Variants in ZZEF1 observed in about 807,000 individuals in gnomAD.
ZZEF1 encodes zinc finger ZZ-type and EF-hand domain containing 1.
Under a neutral mutation model 342.8 loss-of-function variants are expected in ZZEF1, and 157 were observed. That is an observed-to-expected ratio of 0.46 (90% CI 0.40 to 0.52). The LOEUF (loss-of-function observed/expected upper bound fraction) is 0.52. ZZEF1 is among the 20% of genes least tolerant of loss of function. The pLI, the probability that ZZEF1 is intolerant of heterozygous loss-of-function variation, is 0.00. For missense variants in ZZEF1, 3,480 were observed against 3,725.6 expected (o/e 0.93, Z 1.72); for synonymous variants, 1,505 against 1,429.1 (o/e 1.05, Z -1.20).
chr17:4,064,515 G>C lies in ZZEF1; in HGVS notation c.4564C>G (p.Pro1522Ala). The change falls in exon 29 of 55, where the codon CCC (proline) becomes GCC (alanine). Residue 1522 changes from proline to alanine, a missense_variant. Pro to Ala is a conservative substitution (Grantham distance 27). This residue lies in a region of ZZEF1 where 1,528 missense variants were observed against 1,624.1 expected (regional missense o/e 0.94). Transcript: ENST00000381638. ...CGGGTGAAGGGAGGCCGGCGGGTGG[G>C]TGTGGAAGGTGACAAGGGCTCTTCA... ...TAEEPLSPST[P>A]TRRPPFTRGR... The C allele has an allele frequency of 6.2e-7, 1 of 1,614,234 alleles. No homozygotes were observed. The highest frequency in any genetic ancestry group is 8.5e-7 in the Non-Finnish European group (1 of 1,180,044).
At chr17:4,097,640 G>C (rs2058060358) in intron 9 of ZZEF1, among the ~76,000 whole-genome samples, 1 of 152,012 alleles carries the variant, frequency 6.6e-6, no homozygotes, top group Admixed American at 6.6e-5. Flanking sequence ...TAAACACTGT[G>C]TTCTGTGGAA....
chr17:4,033,704 C>T (rs767432799), intron 40 of ZZEF1: 6 of 330,982 alleles, frequency 1.8e-5, no homozygotes, highest in East Asian at 1.2e-4. Context: ...ACTTTTACAA[C>T]GAAAACAGAT....
chr17:4,051,188 G>A, intron 35 of ZZEF1, 145 bp from the exon 36 acceptor site: 1 of 1,042,540 alleles, frequency 9.6e-7, no homozygotes, highest in Non-Finnish European at 1.4e-6. Context: ...TGTAAAGAAA[G>A]GTGTGGGCCC....
At chr17:4,142,408 A>C (rs1490915754) in intron 1 of ZZEF1, 134 bp downstream of exon 1, 1 of 938,476 alleles carries the variant, frequency 1.1e-6, no homozygotes, top group East Asian at 2.7e-5. Context: ...AACGAAGCAA[A>C]CGCCTGGTGA....
chr17:4,066,647 C>T (rs1363727895), intron 27 of ZZEF1, 107 bp from the exon 28 acceptor site: 2 of 918,164 alleles, frequency 2.2e-6, no homozygotes, highest in African/African-American at 3.3e-5. Flanking sequence ...CAGAGTACTT[C>T]ACAGTTGTAT....
At chr17:4,124,715 C>A (rs1040032604) in intron 1 of ZZEF1, among the ~76,000 whole-genome samples, 29 of 151,878 alleles carry the variant, frequency 1.9e-4, no homozygotes, top group African/African-American at 6.1e-4. Context: ...ACCTCAGCCT[C>A]CCAAAGTGCT....
At chr17:4,069,275 T>C (rs1257485891) in intron 26 of ZZEF1, among the ~76,000 whole-genome samples, 1 of 152,148 alleles carries the variant, frequency 6.6e-6, no homozygotes. Context: ...ATTACAAAAA[T>C]ACATATTGAC....
chr17:4,083,627 G>GCTA (rs1555601774), intron 16 of ZZEF1, among the ~76,000 whole-genome samples: 4 of 142,700 alleles, frequency 2.8e-5, no homozygotes, highest in Non-Finnish European at 6.0e-5. Context: ...CACATTTTAT[G>GCTA]CTTTTGTTCC....
rs1425635434 is a variant in ZZEF1, at chr17:4,062,931, G to C, written c.4719-14C>G. ...ACCTTCACAACACTGGAGACACAAT[G>C]CAAGTCAGGAACACCCAGAAAACTC... is the stretch of plus-strand genomic sequence containing the variant. On this transcript the variant is annotated splice_polypyrimidine_tract_variant and intron_variant, in intron 29 of 54. Coordinates refer to ENST00000381638, the MANE Select transcript of ZZEF1 (RefSeq NM_015113.4). 6.3e-6 allele frequency: 10 copies of C among 1,596,402 alleles called. No homozygotes were observed. The highest frequency in any genetic ancestry group is 1.3e-5 in the African/African-American group (1 of 74,482).
intron 2 of ZZEF1, among the ~76,000 whole-genome samples, chr17:4,118,892 C>T (rs2058440011): frequency 6.6e-6 from 1 of 152,236 alleles, no homozygotes; most frequent in Non-Finnish European, 1.5e-5. Context: ...GTGTTTGCTA[C>T]TTCTCACTCA....
At chr17:4,120,878 G>A (rs1336349169) in intron 2 of ZZEF1, among the ~76,000 whole-genome samples, 1 of 152,150 alleles carries the variant, frequency 6.6e-6, no homozygotes, top group African/African-American at 2.4e-5. Context: ...TGAATTCCAA[G>A]CCTAATGAAT....
chr17:4,069,918 C>T (rs1402191356), intron 26 of ZZEF1, among the ~76,000 whole-genome samples: 2 of 152,210 alleles, frequency 1.3e-5, no homozygotes, highest in Admixed American at 6.5e-5. Flanking sequence ...CTCCCGCCTG[C>T]GCTGCGTGGA....
intron 6 of ZZEF1, 28 bp from the exon 7 acceptor site, chr17:4,105,837 C>T (rs756249327): frequency 1.9e-5 from 30 of 1,571,376 alleles, no homozygotes; most frequent in Non-Finnish European, 2.5e-5. Context: ...AAAATGTAAT[C>T]AGAACAAAAC....
chr17:4,033,784 G>A (rs963113521), intron 40 of ZZEF1: 1 of 578,184 alleles, frequency 1.7e-6, no homozygotes, highest in Non-Finnish European at 3.1e-6. Context: ...TTAGAGAGTT[G>A]AATCAGCAGC....
At chr17:4,136,917 G>C (rs1597952159) in intron 1 of ZZEF1, among the ~76,000 whole-genome samples, 1 of 152,188 alleles carries the variant, frequency 6.6e-6, no homozygotes, top group African/African-American at 2.4e-5. Context: ...CAAACTCCAT[G>C]CTGCTGGTAA....
intron 53 of ZZEF1, 125 bp downstream of exon 53, chr17:4,009,479 C>G: frequency 7.5e-7 from 1 of 1,325,436 alleles, no homozygotes; most frequent in Non-Finnish European, 1.1e-6. Flanking sequence ...CCATGCCTGT[C>G]CTGTGTGGCC....
At chr17:4,112,862 C>G (rs919315452) in intron 4 of ZZEF1, 54 bp from the exon 5 acceptor site, 6 of 1,446,316 alleles carry the variant, frequency 4.1e-6, no homozygotes, top group Middle Eastern at 3.6e-4. Flanking sequence ...CAAGAACTGA[C>G]AGGATCCAGA....
In ZZEF1 at chr17:4,014,416, T is replaced by C; in HGVS notation, c.8245A>G (p.Ser2749Gly). The change falls in exon 50 of 55, where the codon AGT (serine) becomes GGT (glycine). Residue 2749 changes from serine to glycine, a missense_variant. Physicochemically the swap from Ser to Gly is moderately conservative, Grantham distance 56. Coordinates refer to ENST00000381638, the MANE Select transcript of ZZEF1 (RefSeq NM_015113.4). This position sits in a 1 kb window ranked among gnomAD's most constrained non-coding sequence, Gnocchi z 4.4. ...GCDELAMSSS[S>G]DFQQDRHSFS... ...CTGTGTCGGTCTTGCTGGAAGTCACTGCTGCTGGACATGGCTAACTCGTCA... is the reference window on the plus strand; with the variant it reads ...CTGTGTCGGTCTTGCTGGAAGTCACCGCTGCTGGACATGGCTAACTCGTCA... 6.2e-7 allele frequency: 1 copy of C among 1,614,260 alleles called. No homozygotes were observed. The highest frequency in any genetic ancestry group is 8.5e-7 in the Non-Finnish European group (1 of 1,180,044).
At chr17:4,011,937 A>G (rs2055970398) in intron 52 of ZZEF1, among the ~76,000 whole-genome samples, 1 of 152,196 alleles carries the variant, frequency 6.6e-6, no homozygotes, top group African/African-American at 2.4e-5. Context: ...CCTCCGGGCC[A>G]AGCCCTCAGG....
Sources: gnomAD v4.1 joint callset for allele counts (sites outside exome capture counted in the v4.1 genomes callset) on GRCh38, gnomAD v4.1.1 for gene constraint, gnomAD v4.1.1 regional missense constraint, Gnocchi (gnomAD v3.1) non-coding constraint, MANE v1.5 for transcripts, NCBI Gene and HGNC (gene_info 2026-07-23, HGNC 2026-07-21) for gene names.